The following SLMAP variants were observed in gnomAD, a reference collection of about 807,000 sequenced individuals.
SLMAP encodes sarcolemma associated protein, also known as sarcolemmal membrane-associated protein.
Under a neutral mutation model 128.8 loss-of-function variants are expected in SLMAP, and 44 were observed. The ratio of observed to expected loss-of-function variants is 0.34; its 90% CI spans 0.27 to 0.44. The LOEUF (loss-of-function observed/expected upper bound fraction) is 0.44. Among genes scored for constraint, SLMAP ranks in the 20% least tolerant of loss-of-function variants. The probability of loss-of-function intolerance (pLI) is 1.00; values close to 1 mark genes in which losing one functional copy is unlikely to be tolerated. For synonymous variants in SLMAP, 327 were observed against 348.8 expected (o/e 0.94, Z 0.70); for missense variants, 787 against 985.3 (o/e 0.80, Z 2.69).
At chr3:57,848,458 T>C (rs1173897246) in intron 5 of SLMAP, among the ~76,000 whole-genome samples, 1 of 151,548 alleles carries the variant, frequency 6.6e-6, no homozygotes, top group Non-Finnish European at 1.5e-5. Flanking sequence ...CTTCCTTCTT[T>C]CTTCTTACTC....
At chr3:57,837,264 A>G (rs537607361) in intron 3 of SLMAP, among the ~76,000 whole-genome samples, 33 of 152,348 alleles carry the variant, frequency 2.2e-4, no homozygotes, top group African/African-American at 7.9e-4. Context: ...GTGCAACTAT[A>G]GGAAGTGTGT....
chr3:57,893,127 C>CA lies in SLMAP; in HGVS notation c.1360+3028dup, dbSNP rs537572486. ...GGATTACCAAAGTTGCTTTCTTATT[C>CA]AGAGTAGATATATGCTTTCAATCAT... is the stretch of plus-strand genomic sequence containing the variant. On this transcript the variant is annotated intron_variant, in intron 15 of 24. Transcript: ENST00000671191. 9.9e-4 allele frequency among the ~76,000 whole-genome samples: 151 copies of CA among 152,070 alleles called. 1 individual carries two copies. Among genetic ancestry groups the CA allele is most frequent in the African/African-American group, 3.5e-3 (146 of 41,488 alleles).
At position 57,821,431 on chromosome 3, in the gene SLMAP, A is replaced by G. The variant is rs189393805; in HGVS notation, c.199-9952A>G. Among the ~76,000 whole-genome samples the G allele has an allele frequency of 2.6e-5, 4 of 152,314 alleles. No individual in the cohort carries two copies. In the South Asian group the frequency reaches 8.3e-4, roughly 32 times the overall value. ...TTGGTGAAAACATTTCACCACTTCTATATATTTTCCTATAGAATATGAATA... is the reference window on the plus strand; with the variant it reads ...TTGGTGAAAACATTTCACCACTTCTGTATATTTTCCTATAGAATATGAATA... On this transcript the variant is annotated intron_variant, in intron 2 of 24. Coordinates refer to ENST00000671191, the MANE Select transcript of SLMAP (RefSeq NM_001377540.1).
rs113246088 is a variant in SLMAP, at chr3:57,860,243, G to T, written c.688-456G>T. On this transcript the variant is annotated intron_variant, in intron 8 of 24. Transcript: ENST00000671191. ...GTGATAGCTTCATGCTGTCATTTCA[G>T]ACAAGATGTTTCAGGCTCATTTTGT... Among the ~76,000 whole-genome samples the T allele has an allele frequency of 3.2e-3, 489 of 152,246 alleles. 3 individuals carry two copies. The highest frequency in any genetic ancestry group is 0.011 in the African/African-American group (467 of 41,546).
At chr3:57,779,364 C>T (rs1380410810) in intron 2 of SLMAP, among the ~76,000 whole-genome samples, 1 of 151,660 alleles carries the variant, frequency 6.6e-6, no homozygotes, top group Admixed American at 6.6e-5. Flanking sequence ...AAAAAATTAG[C>T]CAAGCATGCT....
At chr3:57,871,538 A>G (rs1263883080) in intron 13 of SLMAP, 98 bp from the exon 14 acceptor site, 3 of 826,182 alleles carry the variant, frequency 3.6e-6, no homozygotes, top group South Asian at 1.4e-5. Context: ...AGTCTTACTT[A>G]GTACCCATGT....
chr3:57,885,425 T>G (rs915851037), intron 14 of SLMAP, among the ~76,000 whole-genome samples: 14 of 26,562 alleles, frequency 5.3e-4, no homozygotes, highest in South Asian at 1.7e-3. Flanking sequence ...GTTTTTGTGT[T>G]TTTTTTTTTT....
At chr3:57,883,033 A>G (rs1442635911) in intron 14 of SLMAP, among the ~76,000 whole-genome samples, 2 of 152,176 alleles carry the variant, frequency 1.3e-5, no homozygotes, top group Middle Eastern at 3.2e-3. Context: ...CTAAATTCCT[A>G]TATTTCTCTC....
intron 2 of SLMAP, among the ~76,000 whole-genome samples, chr3:57,773,393 A>G (rs1046415599): frequency 1.3e-5 from 2 of 152,226 alleles, no homozygotes; most frequent in Admixed American, 6.5e-5. Context: ...GTTTATATTA[A>G]TTAGCCTATG....
intron 22 of SLMAP, 82 bp from the exon 23 acceptor site, chr3:57,922,807 C>A (rs2096941323): frequency 1.6e-6 from 2 of 1,275,584 alleles, no homozygotes; most frequent in Admixed American, 2.1e-5. Flanking sequence ...TAAATAGGAT[C>A]TGGCGTATAA....
At chr3:57,892,870 GTTGCGCAGGC>G (rs2096126200) in intron 15 of SLMAP, among the ~76,000 whole-genome samples, 1 of 124,952 alleles carries the variant, frequency 8.0e-6, no homozygotes, top group Non-Finnish European at 1.6e-5. Flanking sequence ...GTCTCGCTCT[GTTGCGCAGGC>G]TGGAGTGCAG....
chr3:57,774,394 GTAT>G (rs1310114114), intron 2 of SLMAP, among the ~76,000 whole-genome samples: 1 of 152,058 alleles, frequency 6.6e-6, no homozygotes, highest in East Asian at 1.9e-4. Flanking sequence ...TTAGGTGTTA[GTAT>G]TATTATGAAA....
At chr3:57,759,070 A>G (rs1173539661) in intron 2 of SLMAP, among the ~76,000 whole-genome samples, 2 of 152,230 alleles carry the variant, frequency 1.3e-5, no homozygotes, top group Admixed American at 6.5e-5. Context: ...ATTATTTTGT[A>G]AATTATTTTT....
At chr3:57,809,890 C>T (rs554510762) in intron 2 of SLMAP, among the ~76,000 whole-genome samples, 7 of 152,332 alleles carry the variant, frequency 4.6e-5, no homozygotes, top group African/African-American at 1.7e-4. Context: ...TCTTCCTACC[C>T]TTTTCTTCCT....
At chr3:57,923,103 C>A in intron 23 of SLMAP, 80 bp downstream of exon 23, 1 of 1,343,140 alleles carries the variant, frequency 7.4e-7, no homozygotes, top group South Asian at 1.3e-5. Flanking sequence ...GACTTTATCA[C>A]TGATTTGTGA....
At chr3:57,830,429 G>T (rs914932082) in intron 2 of SLMAP, among the ~76,000 whole-genome samples, 1 of 152,164 alleles carries the variant, frequency 6.6e-6, no homozygotes, top group Admixed American at 6.5e-5. Flanking sequence ...GAAATTCAGC[G>T]AAAATGTGTT....
chr3:57,763,199 C>A (rs1340890168), intron 2 of SLMAP, among the ~76,000 whole-genome samples: 2 of 151,942 alleles, frequency 1.3e-5, no homozygotes, highest in Non-Finnish European at 2.9e-5. Flanking sequence ...TAGTCTATTT[C>A]CAGTTTCACT....
At position 57,854,127 on chromosome 3, in the gene SLMAP, C is replaced by T. The variant is rs576458339; in HGVS notation, c.520-3606C>T. Among the ~76,000 whole-genome samples, 4 of 146,282 alleles carry T rather than the reference C, an allele frequency of 2.7e-5. No individual in the cohort carries two copies. In the South Asian group the frequency reaches 8.6e-4, roughly 32 times the overall value. The stretch of plus-strand genomic sequence containing the variant: ...TCTTTGGATATATATATCTTTGGAG[C>T]TGCCAAATAGTTATTTAATTCTCCC... On this transcript the variant is annotated intron_variant, in intron 6 of 24. Transcript: ENST00000671191.
At chr3:57,786,573 T>A (rs933525357) in intron 2 of SLMAP, among the ~76,000 whole-genome samples, 3 of 148,912 alleles carry the variant, frequency 2.0e-5, no homozygotes, top group Non-Finnish European at 3.0e-5. Flanking sequence ...TTTTTTTTTT[T>A]AAAGACAGAG....
Sources: gnomAD v4.1 joint callset for allele counts (sites outside exome capture counted in the v4.1 genomes callset) on GRCh38, gnomAD v4.1.1 for gene constraint, MANE v1.5 for transcripts, NCBI Gene and HGNC (gene_info 2026-07-23, HGNC 2026-07-21) for gene names.